HS6ST2: variants seen among roughly 807,000 people sequenced by gnomAD.
HS6ST2 encodes the protein heparan sulfate 6-O-sulfotransferase 2, also known as heparan-sulfate 6-O-sulfotransferase 2.
Under a neutral mutation model 33.0 loss-of-function variants are expected in HS6ST2, and 17 were observed. The ratio of observed to expected loss-of-function variants is 0.52; its 90% confidence interval spans 0.35 to 0.77. HS6ST2 has a LOEUF of 0.77. Among genes scored for constraint, HS6ST2 ranks in the 30% least tolerant of loss-of-function variants. The probability of loss-of-function intolerance (pLI) is 0.01; values close to 1 mark genes in which losing one functional copy is unlikely to be tolerated. For missense variants in HS6ST2, 519 were observed against 551.7 expected, an observed-to-expected ratio of 0.94 and a Z score of 0.59; for synonymous variants, 248 against 237.1, an observed-to-expected ratio of 1.05 and a Z score of -0.42.
At chrX:132,692,984 T>C (rs1338828591) in intron 3 of HS6ST2, among the ~76,000 whole-genome samples, 3 of 112,045 alleles carry the variant, frequency 2.7e-5, no homozygotes, top group Non-Finnish European at 3.8e-5. Context: ...TAAGTGTGTA[T>C]TTGATTTATA....
intron 2 of HS6ST2, among the ~76,000 whole-genome samples, chrX:132,786,121 G>T (rs2065058445): frequency 8.9e-6 from 1 of 112,082 alleles, no homozygotes; most frequent in Non-Finnish European, 1.9e-5. Context: ...GTAATACACA[G>T]TAAACACTTA....
At chrX:132,754,875 C>T (rs1426312094) in intron 2 of HS6ST2, among the ~76,000 whole-genome samples, 1 of 110,856 alleles carries the variant, frequency 9.0e-6, no homozygotes, top group African/African-American at 3.3e-5. Flanking sequence ...CCATGCCTGG[C>T]TAATTTTTAA....
intron 4 of HS6ST2, among the ~76,000 whole-genome samples, chrX:132,629,873 AAACTT>A (rs1330434423): frequency 1.8e-5 from 2 of 112,369 alleles, no homozygotes; most frequent in African/African-American, 6.5e-5. Context: ...CCAGGATAGG[AAACTT>A]AACTCTATCA....
chrX:132,721,643 TC>T (rs2064328499), intron 2 of HS6ST2, among the ~76,000 whole-genome samples: 2 of 112,054 alleles, frequency 1.8e-5, no homozygotes, highest in Admixed American at 9.4e-5. Flanking sequence ...AAAATTCATT[TC>T]CCCCATCCAT....
intron 2 of HS6ST2, among the ~76,000 whole-genome samples, chrX:132,839,301 T>C (rs930563208): frequency 9.4e-5 from 3 of 31,908 alleles, no homozygotes; most frequent in African/African-American, 1.9e-4. Context: ...TATATATATA[T>C]ATATATATAT....
At position 132,957,779 on chromosome X, in the gene HS6ST2, G is replaced by T. The variant is rs765671901; in HGVS notation, c.428+396C>A. 1.8e-3 allele frequency among the ~76,000 whole-genome samples: 199 copies of T among 111,343 alleles called. 1 individual carries two copies. The highest frequency in any genetic ancestry group is 6.3e-3 in the African/African-American group (192 of 30,654). Reference sequence around the variant, plus strand: ...TCCGCCGGACTCTCCGGGCTCTTCTGCCCCTATCCTCTTTGGAGCGCACAC... The same window carrying T: ...TCCGCCGGACTCTCCGGGCTCTTCTTCCCCTATCCTCTTTGGAGCGCACAC... On this transcript the variant is annotated intron_variant, in intron 1 of 4. Transcript: ENST00000370833.
chrX:132,958,839 T>C, upstream of HS6ST2: 1 of 350,704 alleles, frequency 2.9e-6, no homozygotes, highest in Non-Finnish European at 4.9e-6. Context: ...TTTGCCAATT[T>C]CCATTCTCCA....
At chrX:132,939,174 C>A (rs1448645715) in intron 2 of HS6ST2, among the ~76,000 whole-genome samples, 1 of 111,813 alleles carries the variant, frequency 8.9e-6, no homozygotes, top group African/African-American at 3.3e-5. Context: ...CACCAGGCCC[C>A]ACCTCCAACA....
At chrX:132,721,733 T>C (rs1337491633) in intron 2 of HS6ST2, among the ~76,000 whole-genome samples, 2 of 112,089 alleles carry the variant, frequency 1.8e-5, no homozygotes, top group Non-Finnish European at 3.8e-5. Context: ...CCAACTGAAA[T>C]TGGACTCAAT....
intron 2 of HS6ST2, among the ~76,000 whole-genome samples, chrX:132,713,407 G>A (rs967189197): frequency 1.8e-5 from 2 of 111,571 alleles, no homozygotes; most frequent in Admixed American, 9.4e-5. Context: ...CACACAGCTC[G>A]CAGCCCCCTG....
chrX:132,773,787 G>A (rs1401702215), intron 2 of HS6ST2, among the ~76,000 whole-genome samples: 1 of 111,793 alleles, frequency 8.9e-6, no homozygotes, highest in East Asian at 2.8e-4. Flanking sequence ...AATCCATAGA[G>A]ATAGTAAGCA....
chrX:132,948,921 C>T (rs1340805325), intron 2 of HS6ST2, among the ~76,000 whole-genome samples: 1 of 111,755 alleles, frequency 8.9e-6, no homozygotes, highest in Non-Finnish European at 1.9e-5. Flanking sequence ...ACAACTTGTA[C>T]CTACGGTGTA....
intron 4 of HS6ST2, among the ~76,000 whole-genome samples, chrX:132,646,906 G>C (rs912762687): frequency 3.6e-5 from 4 of 111,859 alleles, no homozygotes; most frequent in Non-Finnish European, 7.5e-5. Flanking sequence ...GTGTGCAGGG[G>C]GACTGCCCTT....
chrX:132,700,946 C>A (rs2064139701), intron 3 of HS6ST2, among the ~76,000 whole-genome samples: 1 of 111,660 alleles, frequency 9.0e-6, no homozygotes, highest in Admixed American at 9.6e-5. Context: ...AACAAAATTC[C>A]TTTTACCTGT....
chrX:132,648,194 T>C (rs2063661447), intron 4 of HS6ST2, among the ~76,000 whole-genome samples: 1 of 111,892 alleles, frequency 8.9e-6, no homozygotes, highest in African/African-American at 3.3e-5. Flanking sequence ...TTGGGCAGAA[T>C]GTGTTCTCAG....
chrX:132,794,574 GATTATT>G (rs1556445928), intron 2 of HS6ST2, among the ~76,000 whole-genome samples: 17 of 99,068 alleles, frequency 1.7e-4, no homozygotes, highest in Admixed American at 1.2e-3. Context: ...TGATGATGAT[GATTATT>G]ATTATTATTA....
chrX:132,944,385 T>C (rs1353530293), intron 2 of HS6ST2, among the ~76,000 whole-genome samples: 1 of 111,599 alleles, frequency 9.0e-6, no homozygotes, highest in Non-Finnish European at 1.9e-5. Context: ...CATTCCATGC[T>C]CATGGATAGG....
chrX:132,769,625 A>G (rs985114917), intron 2 of HS6ST2, among the ~76,000 whole-genome samples: 8 of 112,546 alleles, frequency 7.1e-5, no homozygotes, highest in Non-Finnish European at 1.3e-4. Context: ...GGCACAAGAA[A>G]CAAATATCAC....
intron 2 of HS6ST2, among the ~76,000 whole-genome samples, chrX:132,923,691 T>C (rs1430015712): frequency 9.0e-6 from 1 of 111,718 alleles, no homozygotes; most frequent in Non-Finnish European, 1.9e-5. Flanking sequence ...GGTATTCATT[T>C]CCACTTCACC....
Sources: allele counts gnomAD v4.1 joint callset (sites outside exome capture counted in the v4.1 genomes callset), GRCh38; gene constraint gnomAD v4.1.1; transcripts MANE v1.5; gene names NCBI Gene and HGNC (gene_info 2026-07-23, HGNC 2026-07-21).